ACAP2: variants seen among roughly 807,000 people sequenced by gnomAD.
ACAP2 encodes the protein ArfGAP with coiled-coil, ankyrin repeat and PH domains 2, also known as arf-GAP with coiled-coil, ANK repeat and PH domain-containing protein 2.
In ACAP2, 39 loss-of-function variants were observed where a neutral mutation model predicts 115.8. The ratio of observed to expected loss-of-function variants is 0.34; its 90% CI spans 0.26 to 0.44. The LOEUF (loss-of-function observed/expected upper bound fraction) is 0.44, where lower values mean the gene tolerates loss of function less well. Ranked by LOEUF, ACAP2 falls within the 20% of genes least tolerant of loss-of-function variation. ACAP2 has a pLI of 1.00. For missense variants in ACAP2, 662 were observed against 927.6 expected (o/e 0.71, Z 3.72); for synonymous variants, 289 against 315.8 (o/e 0.92, Z 0.90).
chr3:195,307,944 TGCA>T (rs1206431681), intron 11 of ACAP2, among the ~76,000 whole-genome samples: 1 of 152,144 alleles, frequency 6.6e-6, no homozygotes, highest in African/African-American at 2.4e-5. Context: ...ATTTGAAATC[TGCA>T]GTTTACAGAA....
chr3:195,331,693 C>T (rs1447057978), intron 8 of ACAP2, among the ~76,000 whole-genome samples: 1 of 151,932 alleles, frequency 6.6e-6, no homozygotes, highest in Non-Finnish European at 1.5e-5. Flanking sequence ...ACCTAAAAAT[C>T]GACAGTGTTA....
intron 12 of ACAP2, chr3:195,306,889 T>G: frequency 3.4e-6 from 1 of 293,708 alleles, no homozygotes; most frequent in Non-Finnish European, 5.9e-6. Flanking sequence ...ACCATATAAA[T>G]ATAGAAACAC....
At chr3:195,321,448 A>G (rs1729448177) in intron 9 of ACAP2, among the ~76,000 whole-genome samples, 1 of 151,744 alleles carries the variant, frequency 6.6e-6, no homozygotes, top group African/African-American at 2.4e-5. Context: ...TCCTGACCTC[A>G]GGTGATCTGT....
intron 19 of ACAP2, 52 bp downstream of exon 19, chr3:195,292,213 T>A (rs1727301943): frequency 7.0e-7 from 1 of 1,438,096 alleles, no homozygotes; most frequent in African/African-American, 1.4e-5. Context: ...CATATTATGA[T>A]TTTTTTTAAA....
intron 9 of ACAP2, among the ~76,000 whole-genome samples, chr3:195,324,761 T>A (rs1210856650): frequency 1.3e-5 from 2 of 151,244 alleles, no homozygotes; most frequent in South Asian, 2.1e-4. Context: ...TAAAATAAAA[T>A]AAAAAATAAA....
intron 18 of ACAP2, among the ~76,000 whole-genome samples, chr3:195,294,082 T>C (rs1013722280): frequency 1.3e-5 from 2 of 151,748 alleles, no homozygotes; most frequent in Non-Finnish European, 2.9e-5. Context: ...GGGCTTGCAG[T>C]AAGCGAAGAT....
Position 195,407,819 on chromosome 3 carries a change from T to C in ACAP2, c.54-15672A>G, listed in dbSNP as rs188598395. Among the ~76,000 whole-genome samples, 751 of 151,878 alleles carry C rather than the reference T, an allele frequency of 4.9e-3. 5 individuals carry two copies. Among genetic ancestry groups the C allele is most frequent in the African/African-American group, 0.018 (728 of 41,444 alleles). ...GTGGAAAGAAAGATTACAGCAAATA[T>C]AAAAGAAACAGAAAGTAGAAAAACG... On this transcript the variant is annotated intron_variant, in intron 1 of 22. Transcript: ENST00000326793.
At chr3:195,435,459 C>A (rs553570515) in intron 1 of ACAP2, among the ~76,000 whole-genome samples, 2 of 152,206 alleles carry the variant, frequency 1.3e-5, no homozygotes, top group East Asian at 1.9e-4. Context: ...AGCCACTGCA[C>A]CCGGCCTCTT....
intron 4 of ACAP2, among the ~76,000 whole-genome samples, chr3:195,375,517 A>G (rs1008637550): frequency 6.6e-6 from 1 of 151,700 alleles, no homozygotes; most frequent in African/African-American, 2.4e-5. Context: ...CAAAAAAAAA[A>G]AAAAAAAATA....
chr3:195,292,493 T>C (rs1279268618), intron 18 of ACAP2, 41 bp from the exon 19 acceptor site: 5 of 1,505,424 alleles, frequency 3.3e-6, no homozygotes, highest in Non-Finnish European at 4.5e-6. Flanking sequence ...AATGAGCTCT[T>C]GGCAGAAAAA....
intron 18 of ACAP2, among the ~76,000 whole-genome samples, chr3:195,293,351 A>C (rs2108930751): frequency 6.6e-6 from 1 of 152,324 alleles, no homozygotes; most frequent in South Asian, 2.1e-4. Context: ...AAAATCACTG[A>C]AATCATGGAG....
At chr3:195,326,838 G>A in intron 9 of ACAP2, 47 bp downstream of exon 9, 1 of 1,523,792 alleles carries the variant, frequency 6.6e-7, no homozygotes, top group Non-Finnish European at 9.1e-7. Flanking sequence ...CAACACCCAA[G>A]CCATTGTATA....
intron 1 of ACAP2, chr3:195,419,563 T>G (rs1270641717): frequency 6.6e-6 from 1 of 152,168 alleles, no homozygotes; most frequent in Non-Finnish European, 1.5e-5. Flanking sequence ...AGGGGTAATA[T>G]TTTTATATAG....
chr3:195,354,500 A>G (rs1731824059), intron 4 of ACAP2, among the ~76,000 whole-genome samples: 1 of 152,064 alleles, frequency 6.6e-6, no homozygotes, highest in African/African-American at 2.4e-5. Flanking sequence ...ATGTCTGTTC[A>G]TGTCCTTTGC....
At position 195,285,864 on chromosome 3, in the gene ACAP2, A is replaced by C; in HGVS notation, c.2175-7T>G. 6.2e-7 allele frequency: 1 copy of C among 1,601,482 alleles called. No individual in the cohort carries two copies. The highest frequency in any genetic ancestry group is 8.5e-7 in the Non-Finnish European group (1 of 1,172,082). On this transcript the variant is annotated splice_region_variant and splice_polypyrimidine_tract_variant and intron_variant, in intron 21 of 22. Coordinates refer to ENST00000326793, the MANE Select transcript of ACAP2 (RefSeq NM_012287.6). Reference sequence around the variant, plus strand: ...CATTCTTGCTAAACGTAACCTAAAAATAAATAAAATAGTGTTTTAGATGAC... The same window carrying C: ...CATTCTTGCTAAACGTAACCTAAAACTAAATAAAATAGTGTTTTAGATGAC...
At chr3:195,313,781 T>C (rs1221219078) in intron 10 of ACAP2, among the ~76,000 whole-genome samples, 1 of 152,208 alleles carries the variant, frequency 6.6e-6, no homozygotes, top group South Asian at 2.1e-4. Flanking sequence ...AAATAAATTA[T>C]GTTAGTATCT....
intron 1 of ACAP2, among the ~76,000 whole-genome samples, chr3:195,434,874 G>A (rs543969409): frequency 1.3e-5 from 2 of 152,120 alleles, no homozygotes; most frequent in East Asian, 1.9e-4. Flanking sequence ...TCAATTATCT[G>A]TAGTATTTCC....
chr3:195,317,552 A>T (rs1003950275), intron 10 of ACAP2, among the ~76,000 whole-genome samples: 4 of 152,178 alleles, frequency 2.6e-5, no homozygotes, highest in African/African-American at 9.7e-5. Flanking sequence ...CAGAAGAATG[A>T]TCCTGCGACA....
intron 8 of ACAP2, among the ~76,000 whole-genome samples, chr3:195,332,588 G>C (rs1301705884): frequency 6.6e-6 from 1 of 152,116 alleles, no homozygotes; most frequent in African/African-American, 2.4e-5. Context: ...TGATTTGGCT[G>C]TGTCCCCACC....
Sources: gnomAD v4.1 joint callset for allele counts (sites outside exome capture counted in the v4.1 genomes callset) on GRCh38, gnomAD v4.1.1 for gene constraint, MANE v1.5 for transcripts, NCBI Gene and HGNC (gene_info 2026-07-23, HGNC 2026-07-21) for gene names.